CALR: variants seen among roughly 807,000 people sequenced by gnomAD.
CALR encodes the protein CRP55.
CALR carries 15 observed loss-of-function variants against 51.1 expected under a neutral mutation model. The ratio of observed to expected loss-of-function variants is 0.29; its 90% CI spans 0.20 to 0.45. CALR has a LOEUF of 0.45. Ranked by LOEUF, CALR falls within the 20% of genes least tolerant of loss-of-function variation. The pLI, the probability that CALR is intolerant of heterozygous loss-of-function variation, is 1.00. For synonymous variants in CALR, 239 were observed against 205.9 expected (o/e 1.16, Z -1.38); for missense variants, 477 against 530.6 (o/e 0.90, Z 0.99).
intron 1 of CALR, 147 bp from the exon 2 acceptor site, chr19:12,938,987 C>A: frequency 1.4e-6 from 1 of 713,982 alleles, no homozygotes; most frequent in Non-Finnish European, 2.5e-6. Context: ...TCTCTGAAGG[C>A]ACCCGACGTG....
chr19:12,939,930 G>A, intron 3 of CALR, 123 bp from the exon 4 acceptor site: 1 of 791,812 alleles, frequency 1.3e-6, no homozygotes, highest in South Asian at 1.5e-5. Context: ...CAGGGTCTGA[G>A]TTTCTCTTCT....
In CALR at chr19:12,944,020, G is replaced by T. The variant is rs1273248742; in HGVS notation, c.*107G>T. The T allele has an allele frequency of 3.9e-6, 6 of 1,547,578 alleles. No individual in the cohort carries two copies. The African/African-American group carries it at 6.8e-5, about 18-fold the overall frequency. The stretch of plus-strand genomic sequence containing the variant: ...CTCGAGAACTTTCATTTTTTTCCAG[G>T]CTGGTTCGGATTTGGGGTGGATTTT... On this transcript the variant is annotated 3_prime_UTR_variant, in exon 9 of 9. Coordinates refer to ENST00000316448, the MANE Select transcript of CALR (RefSeq NM_004343.4).
At chr19:12,941,120 C>T (rs555743580) in intron 7 of CALR, among the ~76,000 whole-genome samples, 1 of 152,284 alleles carries the variant, frequency 6.6e-6, no homozygotes, top group South Asian at 2.1e-4. Context: ...AACTTCTTTA[C>T]CCCCAAAGAC....
At chr19:12,939,943 G>A in intron 3 of CALR, 110 bp from the exon 4 acceptor site, 1 of 832,544 alleles carries the variant, frequency 1.2e-6, no homozygotes, top group East Asian at 2.6e-5. Context: ...TCTCTTCTCA[G>A]CCTTGACAGA....
intron 3 of CALR, 151 bp from the exon 4 acceptor site, chr19:12,939,902 G>A (rs2146013538): frequency 1.4e-6 from 1 of 724,464 alleles, no homozygotes; most frequent in Non-Finnish European, 2.5e-6. Context: ...TCCACCCACA[G>A]CCCATTCAGG....
At position 12,944,287 on chromosome 19, in the gene CALR, C is replaced by G. The variant is rs1452091043; in HGVS notation, c.*374C>G. ...TTTCATCTGCTCTCCTTCCTGGAGCCCAGAGGAGGGCAGCAGAAGGGGGTG... is the reference window on the plus strand; with the variant it reads ...TTTCATCTGCTCTCCTTCCTGGAGCGCAGAGGAGGGCAGCAGAAGGGGGTG... On this transcript the variant is annotated 3_prime_UTR_variant, in exon 9 of 9. Transcript: ENST00000316448. The G allele has an allele frequency of 5.0e-6, 2 of 396,966 alleles. No individual in the cohort carries two copies. The highest frequency in any genetic ancestry group is 9.4e-6 in the Non-Finnish European group (2 of 212,428). 24.6% of individuals were successfully genotyped at this position (396,966 alleles called of 1,614,324 possible). A position where few individuals can be genotyped will look rare whatever the true frequency, so the allele number is the denominator to read the frequency against.
In CALR at chr19:12,940,735, C is replaced by T. The variant is rs74815302; in HGVS notation, c.817-9C>T. ...TACTCACCCTTCGGTTTCCTTCTCC[C>T]TTCTGCAGGGTGAGTGGAAGCCCCG... On this transcript the variant is annotated splice_polypyrimidine_tract_variant and intron_variant, in intron 6 of 8. Transcript: ENST00000316448. 1.8e-3 allele frequency: 2,871 copies of T among 1,614,152 alleles called. 37 individuals carry two copies. In the African/African-American group the frequency reaches 0.032, roughly 18 times the overall value.
Position 12,943,433 on chromosome 19 carries a change from G to A in CALR, c.961-104G>A, listed in dbSNP as rs1193668479. The A allele has an allele frequency of 5.1e-6, 5 of 970,986 alleles. No individual in the cohort carries two copies. The African/African-American group carries it at 8.0e-5, about 16-fold the overall frequency. 60.1% of individuals were successfully genotyped at this position (970,986 alleles called of 1,614,324 possible). ...GGTGTTCCTTGTCTTCTCTGCAGATGCAGGCAGCAGAATATAGTGGTTATA... is the reference window on the plus strand; with the variant it reads ...GGTGTTCCTTGTCTTCTCTGCAGATACAGGCAGCAGAATATAGTGGTTATA... On this transcript the variant is annotated intron_variant, in intron 7 of 8. Transcript: ENST00000316448.
At chr19:12,940,698 G>A (rs373808786) in intron 6 of CALR, 44 bp downstream of exon 6, 8 of 1,613,994 alleles carry the variant, frequency 5.0e-6, no homozygotes, top group African/African-American at 2.7e-5. Context: ...ACAGTGGGGA[G>A]TGCACCAACC....
At chr19:12,940,491 G>A (rs1971531232) in intron 5 of CALR, 39 bp downstream of exon 5, 8 of 1,611,824 alleles carry the variant, frequency 5.0e-6, no homozygotes, top group Middle Eastern at 1.7e-4. Context: ...CCACATTGGA[G>A]GGTGTGGAAG....
intron 7 of CALR, among the ~76,000 whole-genome samples, chr19:12,942,826 G>A (rs1423188456): frequency 8.6e-5 from 13 of 150,636 alleles, no homozygotes; most frequent in African/African-American, 9.8e-5. Context: ...CAATCTCGGC[G>A]GCTCACCACA....
At position 12,940,644 on chromosome 19, in the gene CALR, C is replaced by T. The variant is rs1971533257; in HGVS notation, c.806C>T (p.Pro269Leu). 6.2e-7 allele frequency: 1 copy of T among 1,613,932 alleles called. No homozygotes were observed. Among genetic ancestry groups the T allele is most frequent in the Non-Finnish European group, 8.5e-7 (1 of 1,179,930 alleles). The change falls in exon 6 of 9, where the codon CCT becomes CTT. Residue 269 changes from proline (P) to leucine (L), a missense_variant. Transcript: ENST00000316448. ...GEWEPPVIQN[P>L]EYKGEWKPRQ... ...TGGGAACCCCCAGTGATTCAGAACCCTGAGTACAAGGTGAGTTTGGGGCTC... is the reference window on the plus strand; with the variant it reads ...TGGGAACCCCCAGTGATTCAGAACCTTGAGTACAAGGTGAGTTTGGGGCTC...
At chr19:12,941,951 C>T (rs1971554111) in intron 7 of CALR, among the ~76,000 whole-genome samples, 1 of 152,060 alleles carries the variant, frequency 6.6e-6, no homozygotes, top group African/African-American at 2.4e-5. Flanking sequence ...TACCTGTAGT[C>T]CCAACTACCA....
In CALR at chr19:12,940,323, G is replaced by A. The variant is rs770977054; in HGVS notation, c.573G>A (p.Val191=). 1 of 1,614,180 alleles carries A rather than the reference G, an allele frequency of 6.2e-7. No homozygotes were observed. The highest frequency in any genetic ancestry group is 8.5e-7 in the Non-Finnish European group (1 of 1,180,010). The change falls in exon 5 of 9, where the codon GTG becomes GTA. Residue 191 remains valine (V), a synonymous_variant. Transcript: ENST00000316448. ...TYEVKIDNSQ[V]ESGSLEDDWD... ...AGGTGAAGATTGACAACAGCCAGGT[G>A]GAGTCCGGCTCCTTGGAAGACGATT... is the stretch of plus-strand genomic sequence containing the variant.
rs147368353 is a variant in CALR at position 12,938,729 on chromosome 19, C to T, written c.50C>T (p.Ala17Val). ...LLLGLLGLAV[A>V]EPAVYFKEQF... ...CTCGGCCTCCTCGGCCTGGCCGTCG[C>T]CGAGCCTGCCGTCTACTTCAAGGAG... Residue 17 changes from alanine to valine, a missense_variant, in exon 1 of 9, where the codon GCC becomes GTC. By Grantham distance (64) the Ala-to-Val change is moderately conservative. Coordinates refer to ENST00000316448, the MANE Select transcript of CALR (RefSeq NM_004343.4). 2.4e-5 allele frequency: 39 copies of T among 1,611,546 alleles called. No individual in the cohort carries two copies. The South Asian group carries it at 3.3e-4, about 14-fold the overall frequency.
At chr19:12,942,281 T>G (rs766159089) in intron 7 of CALR, among the ~76,000 whole-genome samples, 9 of 150,364 alleles carry the variant, frequency 6.0e-5, no homozygotes, top group African/African-American at 2.0e-4. Context: ...AAGGATGACG[T>G]GAACCCGGGA....
At position 12,938,665 on chromosome 19, in the gene CALR, C is replaced by T. The variant is rs766369235; in HGVS notation, c.-15C>T. The T allele has an allele frequency of 3.8e-6, 6 of 1,599,394 alleles. No homozygotes were observed. The highest frequency in any genetic ancestry group is 5.1e-6 in the Non-Finnish European group (6 of 1,172,050). ...GTTTTAAAGGGCCCGCGCGTTGCCG[C>T]CCCCTCGGCCCGCCATGCTGCTATC... On this transcript the variant is annotated 5_prime_UTR_variant, in exon 1 of 9. Transcript: ENST00000316448.
rs758072446 is a variant in CALR, at chr19:12,940,869, G to T, written c.942G>T (p.Leu314=). The part of the protein sequence containing the change: ...SIYAYDNFGV[L]GLDLWQVKSG... ...ATGCCTATGATAACTTTGGCGTGCT[G>T]GGCCTGGACCTCTGGCAGGTGAGAC... The change falls in exon 7 of 9, where the codon CTG becomes CTT. Residue 314 remains leucine (L), a synonymous_variant. Transcript: ENST00000316448. The T allele has an allele frequency of 1.2e-6, 2 of 1,614,098 alleles. No individual in the cohort carries two copies. The highest frequency in any genetic ancestry group is 3.3e-5 in the Admixed American group (2 of 60,002).
rs765722069 is a variant in CALR, at chr19:12,943,608, C to T, written c.1032C>T (p.Asn344=). The T allele has an allele frequency of 3.3e-5, 53 of 1,614,124 alleles. 1 individual carries two copies. The South Asian group carries it at 4.5e-4, about 14-fold the overall frequency. Residue 344 remains asparagine, a synonymous_variant, in exon 8 of 9, where the codon AAC becomes AAT. Transcript: ENST00000316448. The part of the protein sequence containing the change: ...NDEAYAEEFG[N]ETWGVTKAAE... ...AGGCATACGCTGAGGAGTTTGGCAA[C>T]GAGACGTGGGGCGTAACAAAGGTGA... is the stretch of plus-strand genomic sequence containing the variant.
Sources: gnomAD v4.1 joint callset for allele counts (sites outside exome capture counted in the v4.1 genomes callset) on GRCh38, gnomAD v4.1.1 for gene constraint, MANE v1.5 for transcripts, NCBI Gene and HGNC (gene_info 2026-07-23, HGNC 2026-07-21) for gene names.